KDM3B: variants seen among roughly 807,000 people sequenced by gnomAD.
KDM3B encodes lysine-specific demethylase 3B.
Under a neutral mutation model 170.0 loss-of-function variants are expected in KDM3B, and 10 were observed. That is an observed-to-expected ratio of 0.06 (90% confidence interval 0.04 to 0.10). The LOEUF (loss-of-function observed/expected upper bound fraction) is 0.10, where lower values mean the gene tolerates loss of function less well. KDM3B is among the 10% of genes least tolerant of loss of function. KDM3B has a pLI of 1.00. For synonymous variants in KDM3B, 831 were observed against 834.8 expected, an observed-to-expected ratio of 1.00 and a Z score of 0.08; for missense variants, 1,394 against 2,195.2, an observed-to-expected ratio of 0.64 and a Z score of 7.29.
At chr5:138,408,761 A>G (rs1762888761) in intron 11 of KDM3B, among the ~76,000 whole-genome samples, 1 of 152,244 alleles carries the variant, frequency 6.6e-6, no homozygotes. Flanking sequence ...AGTGCAGTCC[A>G]CTATATTAGT....
Position 138,421,078 on chromosome 5 carries a change from G to T in KDM3B, c.3972+116G>T, listed in dbSNP as rs189790824. On this transcript the variant is annotated intron_variant, in intron 15 of 23. Coordinates refer to ENST00000314358, the MANE Select transcript of KDM3B (RefSeq NM_016604.4). ...TTTGTGTTCTCTACATTGTCAAGCT[G>T]ACAAGGTCTCTCTTTAAAGTTTTGG... The T allele has an allele frequency of 6.5e-4, 790 of 1,212,400 alleles. 10 individuals are homozygous for T. Among genetic ancestry groups the T allele is most frequent in the South Asian group, 5.0e-3 (354 of 70,358 alleles). 75.1% of individuals were successfully genotyped at this position (1,212,400 alleles called of 1,614,324 possible).
chr5:138,383,051 T>C (rs1359872648), intron 6 of KDM3B, among the ~76,000 whole-genome samples: 10 of 152,188 alleles, frequency 6.6e-5, no homozygotes, highest in African/African-American at 2.4e-4. Flanking sequence ...GACTTACATA[T>C]AAGTTGTTTA....
chr5:138,415,207 A>G lies in KDM3B; in HGVS notation c.3275A>G (p.Asn1092Ser), dbSNP rs541682197. Reference sequence around the variant, plus strand: ...AAGGGACAGTCCCACGAACCAGAGAATCTCATGCCCACACAAATTATTCCT... The same window carrying G: ...AAGGGACAGTCCCACGAACCAGAGAGTCTCATGCCCACACAAATTATTCCT... ...CAKGQSHEPE[N>S]LMPTQIIPGT... is the part of the protein sequence containing the mutation. The change falls in exon 12 of 24, where the codon AAT becomes AGT. Residue 1092 changes from asparagine to serine, a missense_variant. By Grantham distance (46) the Asn-to-Ser change is conservative. This residue lies in a region of KDM3B where 44 missense variants were observed against 71.1 expected (regional missense o/e 0.62). Transcript: ENST00000314358. 5.6e-6 allele frequency: 9 copies of G among 1,609,566 alleles called. No individual in the cohort carries two copies. The South Asian group carries it at 9.9e-5, about 18-fold the overall frequency.
At chr5:138,414,347 A>G (rs941012980) in intron 11 of KDM3B, among the ~76,000 whole-genome samples, 3 of 152,012 alleles carry the variant, frequency 2.0e-5, no homozygotes, top group East Asian at 1.9e-4. Flanking sequence ...TTGTATTTTT[A>G]GTAGAGACAG....
At chr5:138,369,467 C>T (rs1761821741) in intron 1 of KDM3B, among the ~76,000 whole-genome samples, 1 of 152,154 alleles carries the variant, frequency 6.6e-6, no homozygotes, top group Admixed American at 6.6e-5. Context: ...TACTACTCCC[C>T]CACCGTATAC....
chr5:138,362,409 C>T (rs932336878), intron 1 of KDM3B, among the ~76,000 whole-genome samples: 1 of 151,962 alleles, frequency 6.6e-6, no homozygotes, highest in African/African-American at 2.4e-5. Flanking sequence ...ATATCACATG[C>T]AGAAAGACAG....
chr5:138,405,578 A>G (rs1762797453), intron 11 of KDM3B, among the ~76,000 whole-genome samples: 1 of 149,662 alleles, frequency 6.7e-6, no homozygotes, highest in South Asian at 2.1e-4. Flanking sequence ...AGAATGCACC[A>G]CCAGCAGATC....
intron 6 of KDM3B, among the ~76,000 whole-genome samples, chr5:138,382,818 A>G (rs1236695828): frequency 2.6e-5 from 4 of 152,142 alleles, no homozygotes; most frequent in African/African-American, 4.8e-5. Context: ...TACATGTAAT[A>G]TTACCACAAA....
intron 1 of KDM3B, among the ~76,000 whole-genome samples, chr5:138,355,663 T>C (rs1278623389): frequency 6.6e-6 from 1 of 152,236 alleles, no homozygotes; most frequent in Non-Finnish European, 1.5e-5. Flanking sequence ...TATGCATTTA[T>C]CTCTGGCTTT....
Position 138,372,794 on chromosome 5 carries a change from G to A in KDM3B, c.313G>A (p.Val105Ile). ...TGTATGGGCGCCCCGTGAGGACCCAGTCCTTCTCCAGGGCATTCGAGTCTC... is the reference window on the plus strand; with the variant it reads ...TGTATGGGCGCCCCGTGAGGACCCAATCCTTCTCCAGGGCATTCGAGTCTC... The part of the protein sequence containing the change: ...SLVWAPREDP[V>I]LLQGIRVSIA... The change falls in exon 2 of 24, where the codon GTC (valine) becomes ATC (isoleucine). Residue 105 changes from valine (V) to isoleucine (I), a missense_variant. Coordinates refer to ENST00000314358, the MANE Select transcript of KDM3B (RefSeq NM_016604.4). 2.5e-6 allele frequency: 4 copies of A among 1,614,142 alleles called. No individual in the cohort carries two copies. The highest frequency in any genetic ancestry group is 3.4e-6 in the Non-Finnish European group (4 of 1,180,024).
chr5:138,420,624 C>A, intron 14 of KDM3B, 82 bp from the exon 15 acceptor site: 1 of 1,457,304 alleles, frequency 6.9e-7, no homozygotes. Context: ...TCCTCCTTCC[C>A]ATGTGACTGA....
In KDM3B at chr5:138,427,179, A is replaced by C. The variant is rs748918815; in HGVS notation, c.4503-10A>C. 1 of 1,609,332 alleles carries C rather than the reference A, an allele frequency of 6.2e-7. No individual in the cohort carries two copies. The highest frequency in any genetic ancestry group is 8.5e-7 in the Non-Finnish European group (1 of 1,175,806). On this transcript the variant is annotated splice_polypyrimidine_tract_variant and intron_variant, in intron 18 of 23. Coordinates refer to ENST00000314358, the MANE Select transcript of KDM3B (RefSeq NM_016604.4). The stretch of plus-strand genomic sequence containing the variant: ...TAACAAGCTAAGTCATCTTTCCTGC[A>C]CTTTTATAGGTTTGAAGATCTGATG...
At chr5:138,411,067 C>G (rs1762955331) in intron 11 of KDM3B, among the ~76,000 whole-genome samples, 1 of 149,408 alleles carries the variant, frequency 6.7e-6, no homozygotes, top group Non-Finnish European at 1.5e-5. Flanking sequence ...TCTAAACTCC[C>G]CCAGGGAAAA....
intron 15 of KDM3B, among the ~76,000 whole-genome samples, chr5:138,423,176 C>T (rs1763315535): frequency 6.6e-6 from 1 of 152,196 alleles, no homozygotes; most frequent in African/African-American, 2.4e-5. Flanking sequence ...GAACTCCTGA[C>T]CTCAGGTAAT....
At chr5:138,395,138 T>C (rs1338149116) in intron 9 of KDM3B, among the ~76,000 whole-genome samples, 1 of 152,192 alleles carries the variant, frequency 6.6e-6, no homozygotes, top group Non-Finnish European at 1.5e-5. Context: ...GAGATGCTTG[T>C]TAGATTTTCA....
intron 23 of KDM3B, among the ~76,000 whole-genome samples, chr5:138,435,025 A>G (rs1398401411): frequency 6.6e-6 from 1 of 152,188 alleles, no homozygotes; most frequent in African/African-American, 2.4e-5. Context: ...TTTAAAAGAA[A>G]GCTGTCTTTA....
intron 15 of KDM3B, among the ~76,000 whole-genome samples, chr5:138,421,427 A>G (rs1478531740): frequency 6.6e-6 from 1 of 152,166 alleles, no homozygotes; most frequent in Non-Finnish European, 1.5e-5. Context: ...TCTTAGAATC[A>G]TTTGGGACTC....
chr5:138,405,531 C>T (rs1561782464), intron 11 of KDM3B, among the ~76,000 whole-genome samples: 1 of 151,832 alleles, frequency 6.6e-6, no homozygotes, highest in Non-Finnish European at 1.5e-5. Context: ...AACGAGTGAC[C>T]ATTCTAGCAG....
Position 138,415,124 on chromosome 5 carries a change from T to A in KDM3B, c.3200-8T>A. 1 of 1,563,434 alleles carries A rather than the reference T, an allele frequency of 6.4e-7. No homozygotes were observed. The highest frequency in any genetic ancestry group is 8.8e-7 in the Non-Finnish European group (1 of 1,141,092). Reference sequence around the variant, plus strand: ...CTTATAAAATAAGTGAAATCATTTCTATTTCAGAGACAGAAGAGATGGGTG... The same window carrying A: ...CTTATAAAATAAGTGAAATCATTTCAATTTCAGAGACAGAAGAGATGGGTG... On this transcript the variant is annotated splice_region_variant and splice_polypyrimidine_tract_variant and intron_variant, in intron 11 of 23. Coordinates refer to ENST00000314358, the MANE Select transcript of KDM3B (RefSeq NM_016604.4).
Sources: allele counts gnomAD v4.1 joint callset (sites outside exome capture counted in the v4.1 genomes callset), GRCh38; gene constraint gnomAD v4.1.1; regional missense constraint gnomAD v4.1.1; transcripts MANE v1.5; gene names NCBI Gene and HGNC (gene_info 2026-07-23, HGNC 2026-07-21).